BBS9: variants seen among roughly 807,000 people sequenced by gnomAD.
The protein encoded by BBS9 is protein PTHB1.
In BBS9, 89 loss-of-function variants were observed where a neutral mutation model predicts 117.7. The ratio of observed to expected loss-of-function variants is 0.76; its 90% CI spans 0.64 to 0.90. The LOEUF is 0.90. BBS9 is among the 40% of genes least tolerant of loss of function. The probability of loss-of-function intolerance (pLI) is 0.00; values close to 1 mark genes in which losing one functional copy is unlikely to be tolerated. For missense variants in BBS9, 982 were observed against 1,042.2 expected (o/e 0.94, Z 0.80); for synonymous variants, 379 against 370.9 (o/e 1.02, Z -0.25).
At chr7:33,451,652 T>G (rs1837889641) in intron 19 of BBS9, among the ~76,000 whole-genome samples, 1 of 152,212 alleles carries the variant, frequency 6.6e-6, no homozygotes, top group African/African-American at 2.4e-5. Flanking sequence ...TTGTTCTGTC[T>G]CACTGTTTTT....
intron 9 of BBS9, among the ~76,000 whole-genome samples, chr7:33,275,687 A>G (rs1187735987): frequency 1.3e-5 from 2 of 152,330 alleles, no homozygotes; most frequent in East Asian, 3.9e-4. Context: ...GATGGGTAGA[A>G]AGACCTTATT....
intron 21 of BBS9, among the ~76,000 whole-genome samples, chr7:33,565,840 C>T (rs1274950929): frequency 4.4e-5 from 1 of 22,720 alleles, no homozygotes; most frequent in Non-Finnish European, 7.4e-5. Flanking sequence ...GCTATATATA[C>T]TGCTTATATA....
chr7:33,167,352 G>T (rs1402260619), intron 4 of BBS9, among the ~76,000 whole-genome samples: 1 of 151,646 alleles, frequency 6.6e-6, no homozygotes, highest in Non-Finnish European at 1.5e-5. Flanking sequence ...GTCCTGCTTG[G>T]GTTAGCAGTT....
chr7:33,629,987 G>A (rs1425946238), intron 21 of BBS9, among the ~76,000 whole-genome samples: 4 of 152,040 alleles, frequency 2.6e-5, no homozygotes, highest in Admixed American at 1.3e-4. Context: ...TTTATATTTC[G>A]AGACCTTTTA....
intron 5 of BBS9, among the ~76,000 whole-genome samples, chr7:33,256,292 A>G (rs564260604): frequency 6.6e-6 from 1 of 152,350 alleles, no homozygotes; most frequent in Admixed American, 6.5e-5. Flanking sequence ...ATTAATATAA[A>G]CAATTTTTAT....
intron 17 of BBS9, among the ~76,000 whole-genome samples, chr7:33,382,555 G>A (rs530923725): frequency 6.6e-6 from 1 of 152,116 alleles, no homozygotes; most frequent in East Asian, 1.9e-4. Context: ...ACGTAGTTAA[G>A]TGCCTAGTGA....
intron 21 of BBS9, among the ~76,000 whole-genome samples, chr7:33,582,976 A>C (rs965571): frequency 0.4 from 61,186 of 152,022 alleles, 16,935 homozygotes; most frequent in African/African-American, 0.79. Flanking sequence ...GGGAGCCTGT[A>C]CTTTCTCCTG....
intron 20 of BBS9, among the ~76,000 whole-genome samples, chr7:33,516,433 G>A (rs1187333444): frequency 1.5e-5 from 2 of 133,108 alleles, no homozygotes; most frequent in Non-Finnish European, 3.0e-5. Context: ...AGGTTGCAGT[G>A]AGCTAAAATT....
chr7:33,383,577 CT>C, intron 17 of BBS9, 88 bp from the exon 18 acceptor site: 1 of 1,205,522 alleles, frequency 8.3e-7, no homozygotes, highest in Non-Finnish European at 1.2e-6. Flanking sequence ...AATCTTTGAA[CT>C]TTTAAAGTCA....
At chr7:33,258,314 C>T (rs887716117) in intron 6 of BBS9, among the ~76,000 whole-genome samples, 2 of 152,144 alleles carry the variant, frequency 1.3e-5, no homozygotes, top group African/African-American at 2.4e-5. Flanking sequence ...GATATAAATT[C>T]ATCAGGCAAC....
Position 33,505,624 on chromosome 7 carries a change from A to G in BBS9, c.2277A>G (p.Leu759=), listed in dbSNP as rs1052268884. The G allele has an allele frequency of 6.2e-7, 1 of 1,613,758 alleles. No homozygotes were observed. Among genetic ancestry groups the G allele is most frequent in the Admixed American group, 1.7e-5 (1 of 60,016 alleles). The part of the protein sequence containing the change: ...VAILEAAFLP[L]QEDTQELGWE... ...TTCTGGAAGCGGCATTTCTGCCGCT[A>G]CAAGAAGACACTCAAGAATTGGTAA... is the stretch of plus-strand genomic sequence containing the variant. The change falls in exon 20 of 23, where the codon CTA becomes CTG. Residue 759 remains leucine, a synonymous_variant. Coordinates refer to ENST00000242067, the MANE Select transcript of BBS9 (RefSeq NM_198428.3).
chr7:33,408,268 G>A lies in BBS9; in HGVS notation c.2115+20124G>A, dbSNP rs146724737. On this transcript the variant is annotated intron_variant, in intron 19 of 22. Coordinates refer to ENST00000242067, the MANE Select transcript of BBS9 (RefSeq NM_198428.3). The stretch of plus-strand genomic sequence containing the variant: ...GGTGCGGGATATAATCTCCTGGTGC[G>A]CCGTTTCCTAAGCCCGTCGGAAAAG... Among the ~76,000 whole-genome samples the A allele has an allele frequency of 8.5e-3, 1,287 of 152,246 alleles. 22 individuals are homozygous for A. The highest frequency in any genetic ancestry group is 0.045 in the South Asian group (218 of 4,822).
chr7:33,141,675 A>G (rs1791487920), intron 1 of BBS9, among the ~76,000 whole-genome samples: 2 of 152,166 alleles, frequency 1.3e-5, no homozygotes, highest in African/African-American at 2.4e-5. Context: ...GGATTTTACC[A>G]GGTTTTATGT....
At chr7:33,264,911 G>T (rs563372296) in intron 7 of BBS9, among the ~76,000 whole-genome samples, 1 of 152,042 alleles carries the variant, frequency 6.6e-6, no homozygotes, top group Non-Finnish European at 1.5e-5. Flanking sequence ...GTAGGCATGC[G>T]ACCGAATATA....
rs185839180 is a variant in BBS9 at position 33,137,819 on chromosome 7, G to C, written c.-12+7778G>C. On this transcript the variant is annotated intron_variant, in intron 1 of 22. Transcript: ENST00000242067. ...CTACAATGGTGCATGATAACACTTC[G>C]GACATTGGGGGAACAAACATACAAG... 3.4e-3 allele frequency among the ~76,000 whole-genome samples: 515 copies of C among 152,146 alleles called. 2 individuals carry two copies. The highest frequency in any genetic ancestry group is 0.012 in the African/African-American group (499 of 41,484).
At chr7:33,521,285 C>G (rs1326023503) in intron 20 of BBS9, among the ~76,000 whole-genome samples, 3 of 152,232 alleles carry the variant, frequency 2.0e-5, no homozygotes, top group Non-Finnish European at 4.4e-5. Context: ...TGGTTTGCAG[C>G]AGCTTTCTGC....
chr7:33,300,210 A>T (rs1165562429), intron 9 of BBS9, among the ~76,000 whole-genome samples: 1 of 152,090 alleles, frequency 6.6e-6, no homozygotes, highest in Non-Finnish European at 1.5e-5. Flanking sequence ...GAGGTGAGGA[A>T]GTTAATACTC....
intron 21 of BBS9, among the ~76,000 whole-genome samples, chr7:33,592,668 T>C (rs887495322): frequency 6.6e-6 from 1 of 152,102 alleles, no homozygotes; most frequent in Non-Finnish European, 1.5e-5. Flanking sequence ...GTGACCCAGC[T>C]GGACTCTCAG....
chr7:33,194,413 G>A (rs993385873), intron 5 of BBS9, among the ~76,000 whole-genome samples: 1 of 152,136 alleles, frequency 6.6e-6, no homozygotes, highest in African/African-American at 2.4e-5. Flanking sequence ...AAAGATTGTG[G>A]TATGAAATTG....
Sources: gnomAD v4.1 joint callset for allele counts (sites outside exome capture counted in the v4.1 genomes callset) on GRCh38, gnomAD v4.1.1 for gene constraint, MANE v1.5 for transcripts, NCBI Gene and HGNC (gene_info 2026-07-23, HGNC 2026-07-21) for gene names.